Variants in KCNJ3 observed in about 807,000 individuals in gnomAD.
KCNJ3 encodes the protein G protein-activated inward rectifier potassium channel 1.
KCNJ3 carries 4 observed loss-of-function variants against 39.2 expected under a neutral mutation model. The observed-to-expected ratio is 0.10, with a 90% CI of 0.05 to 0.23. The LOEUF is 0.23. Among genes scored for constraint, KCNJ3 ranks in the 10% least tolerant of loss-of-function variants. The pLI, the probability that KCNJ3 is intolerant of heterozygous loss-of-function variation, is 1.00. For missense variants in KCNJ3, 276 were observed against 634.9 expected (o/e 0.43, Z 6.08); for synonymous variants, 230 against 237.4 (o/e 0.97, Z 0.29).
intron 2 of KCNJ3, among the ~76,000 whole-genome samples, chr2:154,782,862 G>A (rs1268541531): frequency 6.6e-6 from 1 of 152,028 alleles, no homozygotes; most frequent in African/African-American, 2.4e-5. Flanking sequence ...TGAGCCAAGA[G>A]CTCTGAATTT....
intron 2 of KCNJ3, among the ~76,000 whole-genome samples, chr2:154,781,890 T>C (rs978547830): frequency 1.3e-5 from 2 of 152,180 alleles, no homozygotes; most frequent in African/African-American, 2.4e-5. Flanking sequence ...TATAATTACA[T>C]TTATTCAGTG....
intron 2 of KCNJ3, among the ~76,000 whole-genome samples, chr2:154,757,356 T>A (rs570256987): frequency 3.3e-5 from 5 of 152,108 alleles, no homozygotes; most frequent in Non-Finnish European, 7.4e-5. Context: ...AAAGGCTGGG[T>A]CAAGCTGTTC....
chr2:154,713,910 A>G (rs1685141483), intron 2 of KCNJ3, among the ~76,000 whole-genome samples: 1 of 151,876 alleles, frequency 6.6e-6, no homozygotes, highest in Admixed American at 6.6e-5. Flanking sequence ...TCTATTTTAG[A>G]CCTTTTCTCT....
intron 2 of KCNJ3, among the ~76,000 whole-genome samples, chr2:154,771,666 G>A (rs1034117588): frequency 2.0e-5 from 3 of 152,152 alleles, no homozygotes; most frequent in Non-Finnish European, 2.9e-5. Context: ...ATTACAGTTG[G>A]TATTGACTGT....
At chr2:154,745,678 C>T (rs1432031022) in intron 2 of KCNJ3, among the ~76,000 whole-genome samples, 1 of 151,998 alleles carries the variant, frequency 6.6e-6, no homozygotes, top group African/African-American at 2.4e-5. Flanking sequence ...TTGGCATCTT[C>T]ATTTGGCCAT....
intron 2 of KCNJ3, among the ~76,000 whole-genome samples, chr2:154,831,590 T>A (rs1185588504): frequency 1.3e-5 from 2 of 152,094 alleles, no homozygotes; most frequent in Non-Finnish European, 2.9e-5. Context: ...ATGGATGAGA[T>A]GTGTCATTGA....
intron 2 of KCNJ3, among the ~76,000 whole-genome samples, chr2:154,796,794 G>A (rs182818786): frequency 6.6e-6 from 1 of 152,278 alleles, no homozygotes; most frequent in Admixed American, 6.5e-5. Flanking sequence ...GGGTGCTTAA[G>A]AGTCACGGAA....
rs5835548 is a variant in KCNJ3, at chr2:154,819,911, CA to C, written c.920-34805del. On this transcript the variant is annotated intron_variant, in intron 2 of 2. Transcript: ENST00000295101. Reference sequence around the variant, plus strand: ...TTTATATTTAAGTTTTCCAGATTGGCAAAAAAAAAAATCCCTTTATGATGAG... The same window carrying C: ...TTTATATTTAAGTTTTCCAGATTGGCAAAAAAAAAATCCCTTTATGATGAG... Among the ~76,000 whole-genome samples, 533 of 148,332 alleles carry C rather than the reference CA, an allele frequency of 3.6e-3. 1 individual carries two copies. The highest frequency in any genetic ancestry group is 0.012 in the African/African-American group (466 of 40,162).
chr2:154,704,808 AG>A (rs1202179227), intron 1 of KCNJ3, among the ~76,000 whole-genome samples: 1 of 151,978 alleles, frequency 6.6e-6, no homozygotes, highest in Non-Finnish European at 1.5e-5. Flanking sequence ...GTTAGTTTCC[AG>A]ATATTACCCT....
intron 2 of KCNJ3, among the ~76,000 whole-genome samples, chr2:154,768,982 C>T (rs1686185593): frequency 6.6e-6 from 1 of 152,100 alleles, no homozygotes; most frequent in African/African-American, 2.4e-5. Flanking sequence ...ATTTGGCTCT[C>T]TGTTTGTCTG....
At chr2:154,727,634 A>G (rs1229666437) in intron 2 of KCNJ3, among the ~76,000 whole-genome samples, 1 of 151,242 alleles carries the variant, frequency 6.6e-6, no homozygotes, top group Non-Finnish European at 1.5e-5. Context: ...TATGAATTAA[A>G]TTGATTTTAA....
chr2:154,731,995 A>C (rs1241898682), intron 2 of KCNJ3, among the ~76,000 whole-genome samples: 2 of 152,028 alleles, frequency 1.3e-5, no homozygotes, highest in African/African-American at 4.8e-5. Flanking sequence ...TTGTTTACTC[A>C]CACCATCTCC....
At chr2:154,723,933 T>G (rs953299746) in intron 2 of KCNJ3, among the ~76,000 whole-genome samples, 1 of 152,158 alleles carries the variant, frequency 6.6e-6, no homozygotes, top group African/African-American at 2.4e-5. Flanking sequence ...TATAATTAGA[T>G]TTCTAAAAAG....
intron 2 of KCNJ3, among the ~76,000 whole-genome samples, chr2:154,725,463 C>G (rs756213979): frequency 6.6e-6 from 1 of 151,828 alleles, no homozygotes; most frequent in African/African-American, 2.4e-5. Flanking sequence ...TTTTGTCTTC[C>G]ATTTTTCATT....
At chr2:154,756,532 C>T (rs1574449751) in intron 2 of KCNJ3, among the ~76,000 whole-genome samples, 1 of 151,896 alleles carries the variant, frequency 6.6e-6, no homozygotes, top group Non-Finnish European at 1.5e-5. Flanking sequence ...ACCCCCACCC[C>T]CTGACAGGCC....
intron 2 of KCNJ3, among the ~76,000 whole-genome samples, chr2:154,822,181 G>A (rs893913650): frequency 2.6e-5 from 4 of 152,204 alleles, no homozygotes; most frequent in Middle Eastern, 3.4e-3. Flanking sequence ...ATTTTCAGAC[G>A]TTTACAAATG....
chr2:154,742,001 A>G (rs1685662053), intron 2 of KCNJ3, among the ~76,000 whole-genome samples: 2 of 151,738 alleles, frequency 1.3e-5, no homozygotes. Context: ...TCATCTTAAA[A>G]CTGAAGCTCT....
At position 154,795,572 on chromosome 2, in the gene KCNJ3, A is replaced by G. The variant is rs146631105; in HGVS notation, c.920-59155A>G. ...GCAGTTAACATTGTTTCCACATTTA[A>G]TGGAATTTTCAAGTCTTTAGCTTAC... On this transcript the variant is annotated intron_variant, in intron 2 of 2. Coordinates refer to ENST00000295101, the MANE Select transcript of KCNJ3 (RefSeq NM_002239.4). Among the ~76,000 whole-genome samples, 94 of 152,184 alleles carry G rather than the reference A, an allele frequency of 6.2e-4. No individual in the cohort carries two copies. In the East Asian group the frequency reaches 0.014, roughly 22 times the overall value.
chr2:154,807,214 T>A (rs974216013), intron 2 of KCNJ3, among the ~76,000 whole-genome samples: 2 of 152,126 alleles, frequency 1.3e-5, no homozygotes, highest in African/African-American at 4.8e-5. Context: ...GACTACAGGA[T>A]TGATTAGTGG....
Sources: allele counts gnomAD v4.1 joint callset (sites outside exome capture counted in the v4.1 genomes callset), GRCh38; gene constraint gnomAD v4.1.1; transcripts MANE v1.5; gene names NCBI Gene and HGNC (gene_info 2026-07-23, HGNC 2026-07-21).